NAMPT: variants seen among roughly 807,000 people sequenced by gnomAD.
The protein encoded by NAMPT is NAmPRTase.
NAMPT carries 7 observed loss-of-function variants against 58.7 expected under a neutral mutation model. The observed-to-expected ratio is 0.12, with a 90% CI of 0.07 to 0.22. The LOEUF (loss-of-function observed/expected upper bound fraction) is 0.22. Ranked by LOEUF, NAMPT falls within the 10% of genes least tolerant of loss-of-function variation. The pLI, the probability that NAMPT is intolerant of heterozygous loss-of-function variation, is 1.00. For missense variants in NAMPT, 271 were observed against 567.9 expected, an observed-to-expected ratio of 0.48 and a Z score of 5.31; for synonymous variants, 145 against 198.1, an observed-to-expected ratio of 0.73 and a Z score of 2.25.
upstream of NAMPT, chr7:106,285,709 T>A: frequency 2.4e-6 from 1 of 408,980 alleles, no homozygotes; most frequent in Non-Finnish European, 3.3e-6. Flanking sequence ...CGGCTCTGTC[T>A]ATGGCTGAGC....
chr7:106,267,034 C>T (rs1792427067), intron 6 of NAMPT, among the ~76,000 whole-genome samples: 1 of 152,174 alleles, frequency 6.6e-6, no homozygotes, highest in East Asian at 1.9e-4. Context: ...CTTGTGCTTT[C>T]ATCACAATGC....
intron 6 of NAMPT, among the ~76,000 whole-genome samples, chr7:106,267,790 G>A (rs1276374547): frequency 8.3e-6 from 1 of 119,872 alleles, no homozygotes; most frequent in Non-Finnish European, 1.6e-5. Flanking sequence ...GCAGTGAGCC[G>A]AGATCCCGCC....
At chr7:106,257,952 GA>G (rs2115738433) in intron 8 of NAMPT, among the ~76,000 whole-genome samples, 1 of 152,358 alleles carries the variant, frequency 6.6e-6, no homozygotes, top group East Asian at 1.9e-4. Context: ...AGGCACCTGG[GA>G]ACAGTACTTA....
chr7:106,258,347 C>G (rs1324473797), intron 8 of NAMPT, among the ~76,000 whole-genome samples: 1 of 152,206 alleles, frequency 6.6e-6, no homozygotes, highest in Admixed American at 6.5e-5. Flanking sequence ...GGGTACTGAC[C>G]TTACTCTATC....
intron 5 of NAMPT, among the ~76,000 whole-genome samples, 188 bp downstream of exon 5, chr7:106,268,966 G>C (rs1792478979): frequency 6.6e-6 from 1 of 152,100 alleles, no homozygotes; most frequent in Admixed American, 6.6e-5. Flanking sequence ...ATAAAGGACA[G>C]GGACATCTGT....
At chr7:106,276,928 A>G in intron 2 of NAMPT, 95 bp downstream of exon 2, 1 of 993,498 alleles carries the variant, frequency 1.0e-6, no homozygotes, top group Non-Finnish European at 1.5e-6. Flanking sequence ...GATTTAATGC[A>G]TCCAAATTAA....
chr7:106,253,248 T>C, intron 9 of NAMPT, 97 bp from the exon 10 acceptor site: 1 of 1,344,060 alleles, frequency 7.4e-7, no homozygotes, highest in South Asian at 1.4e-5. Flanking sequence ...AATTTACATT[T>C]AAGTTTTAAG....
At chr7:106,276,163 T>C (rs1000484593) in intron 2 of NAMPT, 3 of 152,366 alleles carry the variant, frequency 2.0e-5, no homozygotes, top group African/African-American at 4.8e-5. Context: ...GTCAAGATTA[T>C]AGAAAAGAGT....
At chr7:106,272,450 G>C in intron 4 of NAMPT, 80 bp downstream of exon 4, 1 of 1,305,514 alleles carries the variant, frequency 7.7e-7, no homozygotes, top group Non-Finnish European at 1.0e-6. Context: ...AGCTTTATTA[G>C]TAACAAATTC....
rs1792080336 is a variant in NAMPT at position 106,250,064 on chromosome 7, A to AT, written c.*1018dup. ...TCCATACAATTTAATATCCAATTTAATTTTTTAAAAACTTAATAAAAAATA... is the reference window on the plus strand; with the variant it reads ...TCCATACAATTTAATATCCAATTTAATTTTTTTAAAAACTTAATAAAAAATA... On this transcript the variant is annotated 3_prime_UTR_variant, in exon 11 of 11. Coordinates refer to ENST00000222553, the MANE Select transcript of NAMPT (RefSeq NM_005746.3). The AT allele has an allele frequency of 6.6e-6, 1 of 152,308 alleles. No individual in the cohort carries two copies. Among genetic ancestry groups the AT allele is most frequent in the Non-Finnish European group, 1.5e-5 (1 of 67,974 alleles). 9.4% of individuals were successfully genotyped at this position (152,308 alleles called of 1,614,324 possible).
In NAMPT at chr7:106,253,306, A is replaced by G. The variant is rs140886879; in HGVS notation, c.1231-155T>C. 157 of 702,834 alleles carry G rather than the reference A, an allele frequency of 2.2e-4. 1 individual carries two copies. Among genetic ancestry groups the G allele is most frequent in the African/African-American group, 2.2e-3 (122 of 55,432 alleles). 43.5% of individuals were successfully genotyped at this position (702,834 alleles called of 1,614,324 possible). A position where few individuals can be genotyped will look rare whatever the true frequency, so the allele number is the denominator to read the frequency against. On this transcript the variant is annotated intron_variant, in intron 9 of 10. Transcript: ENST00000222553. The stretch of plus-strand genomic sequence containing the variant: ...CAATCCACATCTGGCTTTCAGAAAC[A>G]TAACACTTTAGCCTGTTTTGAAGGA...
intron 8 of NAMPT, among the ~76,000 whole-genome samples, chr7:106,259,077 C>A (rs972598040): frequency 6.6e-6 from 1 of 152,182 alleles, no homozygotes; most frequent in African/African-American, 2.4e-5. Context: ...GTCATTTCAA[C>A]GATGTTCACA....
intron 2 of NAMPT, 193 bp downstream of exon 2, chr7:106,276,830 G>A (rs781625173): frequency 2.3e-5 from 11 of 487,392 alleles, no homozygotes; most frequent in Middle Eastern, 5.7e-4. Flanking sequence ...CAACAAGAGC[G>A]AAACTCGGTT....
rs774837730 is a variant in NAMPT at position 106,274,929 on chromosome 7, A to G, written c.318+17T>C. On this transcript the variant is annotated intron_variant, in intron 3 of 10. Transcript: ENST00000222553. ...AAGAAAAACCAAAACAGATCAAAAG[A>G]TGAAACCATCTTTTACCTCAAGAAT... 1 of 1,517,718 alleles carries G rather than the reference A, an allele frequency of 6.6e-7. No individual in the cohort carries two copies. Among genetic ancestry groups the G allele is most frequent in the South Asian group, 1.2e-5 (1 of 86,266 alleles). 94.0% of individuals were successfully genotyped at this position (1,517,718 alleles called of 1,614,324 possible). A position where few individuals can be genotyped will look rare whatever the true frequency, so the allele number is the denominator to read the frequency against.
upstream of NAMPT, chr7:106,285,062 A>G: frequency 7.4e-7 from 1 of 1,356,930 alleles, no homozygotes. Flanking sequence ...GGGAGCCGTG[A>G]CGCGGCGCGG....
At chr7:106,254,275 T>C in intron 9 of NAMPT, 89 bp downstream of exon 9, 1 of 1,448,608 alleles carries the variant, frequency 6.9e-7, no homozygotes, top group Non-Finnish European at 9.6e-7. Flanking sequence ...CACGGCCACA[T>C]CAATCTTTGA....
At chr7:106,261,168 A>C (rs1242281597) in intron 8 of NAMPT, among the ~76,000 whole-genome samples, 2 of 152,222 alleles carry the variant, frequency 1.3e-5, no homozygotes, top group East Asian at 3.8e-4. Context: ...TCAATGCTTA[A>C]TTTAGAAGAG....
intron 6 of NAMPT, among the ~76,000 whole-genome samples, chr7:106,265,270 G>A (rs150713667): frequency 6.6e-6 from 1 of 152,178 alleles, no homozygotes; most frequent in African/African-American, 2.4e-5. Context: ...TACTTATAAC[G>A]TTGTATCAGT....
At chr7:106,270,992 T>A (rs147505000) in intron 4 of NAMPT, among the ~76,000 whole-genome samples, 14 of 152,342 alleles carry the variant, frequency 9.2e-5, no homozygotes, top group African/African-American at 3.4e-4. Context: ...GAAATTACTC[T>A]TTCAATTCCA....
Sources: gnomAD v4.1 joint callset for allele counts (sites outside exome capture counted in the v4.1 genomes callset) on GRCh38, gnomAD v4.1.1 for gene constraint, MANE v1.5 for transcripts, NCBI Gene and HGNC (gene_info 2026-07-23, HGNC 2026-07-21) for gene names.